Variants in RBFOX1 observed in about 807,000 individuals in gnomAD.
RBFOX1 encodes the protein RNA binding fox-1 homolog 1, also known as RNA binding protein fox-1 homolog 1.
In RBFOX1, 8 loss-of-function variants were observed where a neutral mutation model predicts 57.7. The observed-to-expected ratio is 0.14, with a 90% CI of 0.08 to 0.25. The LOEUF is 0.25. RBFOX1 is among the 10% of genes least tolerant of loss of function. The pLI is 1.00. For missense variants in RBFOX1, 611 were observed against 548.5 expected, an observed-to-expected ratio of 1.11 and a Z score of -1.14; for synonymous variants, 326 against 222.4, an observed-to-expected ratio of 1.47 and a Z score of -4.15.
At chr16:5,700,592 G>C (rs1158435201) in intron 3 of RBFOX1, among the ~76,000 whole-genome samples, 1 of 152,206 alleles carries the variant, frequency 6.6e-6, no homozygotes, top group South Asian at 2.1e-4. Context: ...CATTGATCCT[G>C]GTTGGAACTC....
chr16:7,382,127 G>A (rs2097790686), intron 4 of RBFOX1, among the ~76,000 whole-genome samples: 1 of 152,156 alleles, frequency 6.6e-6, no homozygotes, highest in Non-Finnish European at 1.5e-5. Context: ...ATATATTTGA[G>A]TAGGGACTAA....
chr16:7,559,275 T>C (rs1355636592), intron 5 of RBFOX1, among the ~76,000 whole-genome samples: 1 of 152,208 alleles, frequency 6.6e-6, no homozygotes, highest in East Asian at 1.9e-4. Context: ...TTCTGCTTTA[T>C]GATTGTATTA....
chr16:5,627,380 C>T (rs1220101315), intron 3 of RBFOX1, among the ~76,000 whole-genome samples: 1 of 151,924 alleles, frequency 6.6e-6, no homozygotes, highest in Admixed American at 6.5e-5. Flanking sequence ...GTGTATCCCA[C>T]ATTCAGCAAT....
At chr16:5,380,489 C>G (rs114845473) in intron 1 of RBFOX1, among the ~76,000 whole-genome samples, 1,644 of 152,240 alleles carry the variant, frequency 0.011, 38 homozygotes, top group African/African-American at 0.038. Flanking sequence ...TTGTTGGGTA[C>G]CTGTATAAGT....
chr16:6,690,413 T>A (rs1173085532), intron 3 of RBFOX1, among the ~76,000 whole-genome samples: 1 of 152,026 alleles, frequency 6.6e-6, no homozygotes, highest in Non-Finnish European at 1.5e-5. Flanking sequence ...ATCACACTTT[T>A]AAAAAAATGG....
At chr16:6,625,147 C>A (rs970312692) in intron 2 of RBFOX1, among the ~76,000 whole-genome samples, 1 of 108,496 alleles carries the variant, frequency 9.2e-6, no homozygotes, top group Non-Finnish European at 1.7e-5. Context: ...CCTCGGCCAC[C>A]AACCCTATCT....
chr16:7,433,102 G>A (rs1452254735), intron 4 of RBFOX1, among the ~76,000 whole-genome samples: 1 of 152,156 alleles, frequency 6.6e-6, no homozygotes, highest in African/African-American at 2.4e-5. Context: ...GATAGTTGGG[G>A]TTGGTGTGCC....
At chr16:7,409,670 C>A (rs1038979056) in intron 4 of RBFOX1, among the ~76,000 whole-genome samples, 2 of 152,198 alleles carry the variant, frequency 1.3e-5, no homozygotes, top group African/African-American at 2.4e-5. Context: ...TAGGCCAGAC[C>A]TTCTATCCTT....
At chr16:5,566,220 G>C (rs2151119031) in intron 2 of RBFOX1, among the ~76,000 whole-genome samples, 3 of 152,162 alleles carry the variant, frequency 2.0e-5, no homozygotes, top group Admixed American at 2.0e-4. Context: ...GACCACACTT[G>C]GTCTCCTCCT....
chr16:6,385,098 C>G (rs1270327684), intron 2 of RBFOX1, among the ~76,000 whole-genome samples: 1 of 152,192 alleles, frequency 6.6e-6, no homozygotes, highest in Non-Finnish European at 1.5e-5. Context: ...CTCTCATTCA[C>G]TCTAAAATAT....
intron 1 of RBFOX1, among the ~76,000 whole-genome samples, chr16:5,279,299 T>C (rs1466391809): frequency 6.6e-6 from 1 of 152,026 alleles, no homozygotes; most frequent in Non-Finnish European, 1.5e-5. Context: ...TTTTTTGTTT[T>C]TGTTTTTGTT....
At chr16:5,518,322 A>C (rs550679819) in intron 2 of RBFOX1, among the ~76,000 whole-genome samples, 1 of 151,276 alleles carries the variant, frequency 6.6e-6, no homozygotes, top group Non-Finnish European at 1.5e-5. Flanking sequence ...TGAAAGCCCC[A>C]TTGTTCCACC....
chr16:5,515,099 C>T (rs1001730572), intron 2 of RBFOX1, among the ~76,000 whole-genome samples: 1 of 152,198 alleles, frequency 6.6e-6, no homozygotes, highest in Non-Finnish European at 1.5e-5. Flanking sequence ...TTTATTACAG[C>T]AGAGAGGGCA....
At chr16:6,234,926 G>A (rs1435255155) in intron 1 of RBFOX1, among the ~76,000 whole-genome samples, 5 of 152,172 alleles carry the variant, frequency 3.3e-5, no homozygotes. Flanking sequence ...TTTGGAAAAT[G>A]TTTCCATTGG....
intron 3 of RBFOX1, among the ~76,000 whole-genome samples, chr16:5,701,476 A>AT (rs35222251): frequency 0.011 from 1,613 of 150,384 alleles, 29 homozygotes; most frequent in African/African-American, 0.037. Flanking sequence ...AGGATGGAAG[A>AT]TTTTTTTTTT....
At position 5,834,603 on chromosome 16, in the gene RBFOX1, TAG is replaced by T. The variant is rs1162629784; in HGVS notation, c.319-32698_319-32697del. 1.2e-3 allele frequency among the ~76,000 whole-genome samples: 181 copies of T among 151,730 alleles called. 2 individuals carry two copies. The highest frequency in any genetic ancestry group is 4.3e-3 in the African/African-American group (177 of 41,124). On this transcript the variant is annotated intron_variant, in intron 3 of 19. Coordinates refer to the RBFOX1 transcript ENST00000641259. Reference sequence around the variant, plus strand: ...ATAGATAGATAGATAGATAGATAGATAGATAGATAGATAGATAGATTGACTGA... The same window carrying T: ...ATAGATAGATAGATAGATAGATAGATATAGATAGATAGATAGATTGACTGA...
chr16:5,840,337 G>A (rs1258825812), intron 3 of RBFOX1, among the ~76,000 whole-genome samples: 2 of 152,150 alleles, frequency 1.3e-5, no homozygotes, highest in African/African-American at 4.8e-5. Context: ...TGAAGAGGCT[G>A]GAAAAACAAA....
Position 7,242,922 on chromosome 16 carries a change from G to A in RBFOX1, c.27+190824G>A, listed in dbSNP as rs544368112. Among the ~76,000 whole-genome samples the A allele has an allele frequency of 5.9e-5, 9 of 152,208 alleles. 1 individual carries two copies. The South Asian group carries it at 1.9e-3, about 32-fold the overall frequency. On this transcript the variant is annotated intron_variant, in intron 4 of 15. Transcript: ENST00000550418. The stretch of plus-strand genomic sequence containing the variant: ...CTCGACATTTTCATCCTGCATATGG[G>A]GCTGTGTCGGCCTTACCTGTCTACC...
chr16:7,177,744 C>T (rs766050975), intron 4 of RBFOX1, among the ~76,000 whole-genome samples: 9 of 152,154 alleles, frequency 5.9e-5, no homozygotes, highest in African/African-American at 1.4e-4. Flanking sequence ...TTAGATTTTG[C>T]AGGTCTTTTG....
Sources: allele counts gnomAD v4.1 joint callset (sites outside exome capture counted in the v4.1 genomes callset), GRCh38; gene constraint gnomAD v4.1.1; transcripts MANE v1.5; gene names NCBI Gene and HGNC (gene_info 2026-07-23, HGNC 2026-07-21).